Variants in DSCAM observed in about 807,000 individuals in gnomAD.
DSCAM encodes cell adhesion molecule DSCAM.
In DSCAM, 47 loss-of-function variants were observed where a neutral mutation model predicts 217.7. The ratio of observed to expected loss-of-function variants is 0.22; its 90% confidence interval spans 0.17 to 0.28. The LOEUF is 0.28. Ranked by LOEUF, DSCAM falls within the 10% of genes least tolerant of loss-of-function variation. DSCAM has a pLI of 1.00. For synonymous variants in DSCAM, 1,056 were observed against 1,015.3 expected (o/e 1.04, Z -0.76); for missense variants, 2,080 against 2,618.3 (o/e 0.79, Z 4.49).
intron 5 of DSCAM, among the ~76,000 whole-genome samples, chr21:40,349,456 T>G (rs746529123): frequency 6.6e-5 from 10 of 152,132 alleles, no homozygotes; most frequent in Non-Finnish European, 1.5e-4. Flanking sequence ...ACAACCTTAA[T>G]CCAATGTAGA....
intron 20 of DSCAM, among the ~76,000 whole-genome samples, chr21:40,106,091 T>C (rs899747481): frequency 3.3e-5 from 5 of 152,192 alleles, no homozygotes; most frequent in Non-Finnish European, 7.4e-5. Flanking sequence ...TTTAAAATCA[T>C]GGCAGAAGGC....
In DSCAM at chr21:40,551,780, A is replaced by G. The variant is rs140359658; in HGVS notation, c.508+141030T>C. Among the ~76,000 whole-genome samples, 41 of 152,074 alleles carry G rather than the reference A, an allele frequency of 2.7e-4. No homozygotes were observed. In the East Asian group the frequency reaches 7.5e-3, roughly 28 times the overall value. On this transcript the variant is annotated intron_variant, in intron 3 of 32. Transcript: ENST00000400454. The stretch of plus-strand genomic sequence containing the variant: ...GAAGAATCTTTCTGTCCATCTTAGG[A>G]TCTCTATTTTAATGTTAATGCTGCT...
chr21:40,696,096 C>G (rs889849862), intron 2 of DSCAM, among the ~76,000 whole-genome samples: 4 of 151,702 alleles, frequency 2.6e-5, no homozygotes, highest in African/African-American at 9.7e-5. Context: ...AAAAAAAATA[C>G]ACTTTGTTTT....
intron 11 of DSCAM, among the ~76,000 whole-genome samples, chr21:40,220,889 G>A (rs1244295973): frequency 2.0e-5 from 3 of 152,172 alleles, no homozygotes; most frequent in African/African-American, 7.2e-5. Flanking sequence ...GGGCCACGAG[G>A]CTGCACAAGC....
At chr21:40,577,975 C>G (rs1310357538) in intron 3 of DSCAM, among the ~76,000 whole-genome samples, 1 of 152,062 alleles carries the variant, frequency 6.6e-6, no homozygotes, top group Non-Finnish European at 1.5e-5. Flanking sequence ...AGTCAAAGAG[C>G]CAAGATGGAG....
At chr21:40,497,671 C>T (rs1004022370) in intron 3 of DSCAM, among the ~76,000 whole-genome samples, 3 of 152,194 alleles carry the variant, frequency 2.0e-5, no homozygotes, top group African/African-American at 4.8e-5. Context: ...TTAATTAGCT[C>T]AATTTAGCCA....
At chr21:40,090,097 A>G (rs929332978) in intron 21 of DSCAM, among the ~76,000 whole-genome samples, 1 of 152,046 alleles carries the variant, frequency 6.6e-6, no homozygotes, top group African/African-American at 2.4e-5. Context: ...CCATCCAGGA[A>G]CCCTGCATTT....
At chr21:40,069,436 A>G (rs1037076161) in intron 27 of DSCAM, among the ~76,000 whole-genome samples, 3 of 152,294 alleles carry the variant, frequency 2.0e-5, no homozygotes, top group African/African-American at 7.2e-5. Context: ...ATGGCGTGGG[A>G]GAGTGCCCAC....
intron 1 of DSCAM, among the ~76,000 whole-genome samples, chr21:40,810,755 A>G (rs533333383): frequency 1.3e-5 from 2 of 152,150 alleles, no homozygotes; most frequent in East Asian, 3.9e-4. Flanking sequence ...AAATTAAAAA[A>G]CTATCCAGAC....
chr21:40,060,303 C>T (rs1222742744), intron 28 of DSCAM, among the ~76,000 whole-genome samples: 1 of 152,202 alleles, frequency 6.6e-6, no homozygotes, highest in East Asian at 1.9e-4. Flanking sequence ...ATGTCTTTCT[C>T]AGAGGCTAGG....
chr21:40,085,850 G>A (rs773643342), intron 22 of DSCAM, 85 bp from the exon 23 acceptor site: 36 of 1,203,312 alleles, frequency 3.0e-5, no homozygotes, highest in East Asian at 5.3e-5. Context: ...AAGACTCTGT[G>A]AAGCAAACCA....
rs183121266 is a variant in DSCAM at position 40,599,643 on chromosome 21, A to T, written c.508+93167T>A. ...ACTGAAGGAGATAGAGACACAAAAA[A>T]TCCTTCAAAAAAATCAATGAATCCA... On this transcript the variant is annotated intron_variant, in intron 3 of 32. Transcript: ENST00000400454. Among the ~76,000 whole-genome samples the T allele has an allele frequency of 4.4e-3, 672 of 152,302 alleles. 6 individuals carry two copies. The highest frequency in any genetic ancestry group is 0.015 in the African/African-American group (627 of 41,566).
intron 3 of DSCAM, among the ~76,000 whole-genome samples, chr21:40,594,881 T>C (rs1020684553): frequency 1.3e-5 from 2 of 152,076 alleles, no homozygotes; most frequent in East Asian, 1.9e-4. Context: ...TAAAGAGATA[T>C]CGCTTGAGAA....
chr21:40,270,048 T>G (rs2073595215), intron 11 of DSCAM, among the ~76,000 whole-genome samples: 2 of 152,210 alleles, frequency 1.3e-5, no homozygotes, highest in Non-Finnish European at 2.9e-5. Context: ...AATTCCTTTT[T>G]TACCCCAGAG....
chr21:40,134,137 A>G, intron 18 of DSCAM, 128 bp from the exon 19 acceptor site: 2 of 1,188,468 alleles, frequency 1.7e-6, no homozygotes, highest in Non-Finnish European at 2.3e-6. Context: ...GGACACGAGA[A>G]TTCTCAAAGG....
intron 3 of DSCAM, among the ~76,000 whole-genome samples, chr21:40,591,191 C>A (rs1189848425): frequency 1.3e-5 from 2 of 152,202 alleles, no homozygotes; most frequent in African/African-American, 4.8e-5. Flanking sequence ...CCTTTGCCTT[C>A]CATCATGATT....
Position 40,075,199 on chromosome 21 carries a change from G to A in DSCAM, c.4726C>T (p.Leu1576Phe). The A allele has an allele frequency of 2.5e-6, 4 of 1,614,220 alleles. No homozygotes were observed. Among genetic ancestry groups the A allele is most frequent in the Non-Finnish European group, 3.4e-6 (4 of 1,180,044 alleles). Reference sequence around the variant, plus strand: ...TCGTTTTGGACAACTGACTTAATGAGTGGAGGAATTGTACCTGAAAGCAGG... The same window carrying A: ...TCGTTTTGGACAACTGACTTAATGAATGGAGGAATTGTACCTGAAAGCAGG... ...LNYDGSTIPPLIKSVVQNEEG... is the reference protein window; with the variant it reads ...LNYDGSTIPPFIKSVVQNEEG... Residue 1576 changes from leucine to phenylalanine, a missense_variant, in exon 27 of 33, where the codon CTC becomes TTC. Around this residue, in one of 5 missense-constraint regions of DSCAM, gnomAD observed 1,144 missense variants for 1,421.1 expected, o/e 0.81. Transcript: ENST00000400454.
chr21:40,659,710 C>T (rs151147452), intron 3 of DSCAM, among the ~76,000 whole-genome samples: 233 of 152,210 alleles, frequency 1.5e-3, no homozygotes, highest in Non-Finnish European at 2.4e-3. Flanking sequence ...ATGTATCTAT[C>T]GATCGATCCA....
At chr21:40,653,825 A>C (rs1190828148) in intron 3 of DSCAM, among the ~76,000 whole-genome samples, 1 of 152,178 alleles carries the variant, frequency 6.6e-6, no homozygotes, top group African/African-American at 2.4e-5. Context: ...GGCCAGGCGC[A>C]GTGGCTCACG....
Sources: gnomAD v4.1 joint callset for allele counts (sites outside exome capture counted in the v4.1 genomes callset) on GRCh38, gnomAD v4.1.1 for gene constraint, gnomAD v4.1.1 regional missense constraint, MANE v1.5 for transcripts, NCBI Gene and HGNC (gene_info 2026-07-23, HGNC 2026-07-21) for gene names.